Variants in COL23A1 observed in about 807,000 individuals in gnomAD.
COL23A1 encodes the protein collagen type XXIII alpha 1 chain.
In COL23A1, 97 loss-of-function variants were observed where a neutral mutation model predicts 99.3. That is an observed-to-expected ratio of 0.98 (90% CI 0.83 to 1.16). The LOEUF (loss-of-function observed/expected upper bound fraction) is 1.16, where lower values mean the gene tolerates loss of function less well. Ranked by LOEUF, COL23A1 falls within the 50% of genes most tolerant of loss-of-function variation. COL23A1 has a pLI of 0.00. For missense variants in COL23A1, 762 were observed against 757.4 expected, an observed-to-expected ratio of 1.01 and a Z score of -0.07; for synonymous variants, 320 against 308.2, an observed-to-expected ratio of 1.04 and a Z score of -0.40.
At chr5:178,570,823 C>T (rs1410828222) in intron 1 of COL23A1, among the ~76,000 whole-genome samples, 3 of 151,968 alleles carry the variant, frequency 2.0e-5, no homozygotes, top group Admixed American at 6.6e-5. Flanking sequence ...CAAGGGAGGC[C>T]GAGGCAGTCA....
At chr5:178,524,580 T>G (rs552944088) in intron 2 of COL23A1, among the ~76,000 whole-genome samples, 1 of 152,312 alleles carries the variant, frequency 6.6e-6, no homozygotes, top group Non-Finnish European at 1.5e-5. Context: ...TGGTCGGGCA[T>G]TGACCTGACC....
At position 178,306,807 on chromosome 5, in the gene COL23A1, C is replaced by T; in HGVS notation, c.406+68G>A. 8.3e-7 allele frequency: 1 copy of T among 1,199,062 alleles called. No individual in the cohort carries two copies. Among genetic ancestry groups the T allele is most frequent in the African/African-American group, 1.6e-5 (1 of 62,454 alleles). 74.3% of individuals were successfully genotyped at this position (1,199,062 alleles called of 1,614,324 possible). On this transcript the variant is annotated intron_variant, in intron 3 of 28. Transcript: ENST00000390654. The surrounding 1 kb of genome is among the most constrained non-coding windows in gnomAD (Gnocchi z 4.1). ...GTGGGCAGCAGGTGGCCAGGCCCTGCAGTCAGAGCCTGGGGCCATGGTGGC... is the reference window on the plus strand; with the variant it reads ...GTGGGCAGCAGGTGGCCAGGCCCTGTAGTCAGAGCCTGGGGCCATGGTGGC...
In COL23A1 at chr5:178,247,798, G is replaced by A. The variant is rs1332879493; in HGVS notation, c.1246C>T (p.Pro416Ser). The A allele has an allele frequency of 1.9e-6, 3 of 1,613,676 alleles. No homozygotes were observed. The highest frequency in any genetic ancestry group is 2.5e-6 in the Non-Finnish European group (3 of 1,179,750). Residue 416 changes from proline (P) to serine (S), a missense_variant, in exon 21 of 29, where the codon CCC becomes TCC. By Grantham distance (74) the Pro-to-Ser change is moderately conservative. Transcript: ENST00000390654. ...ACCATCGGGCCTGGGGGGCCAGGGG[G>A]GCCAGGGGGCCCTGGCTCCACTATG... ...QLIVEPGPPG[P>S]PGPPGPMGLQ...
rs182099104 is a variant in COL23A1 at position 178,386,009 on chromosome 5, C to T, written c.362-79090G>A. On this transcript the variant is annotated intron_variant, in intron 2 of 28. Coordinates refer to ENST00000390654, the MANE Select transcript of COL23A1 (RefSeq NM_173465.4). ...TACCAAAGCAGAAGAAGGCAGAGTG[C>T]ATAGAATTTGCAGATCCACAGCAGC... is the stretch of plus-strand genomic sequence containing the variant. Among the ~76,000 whole-genome samples the T allele has an allele frequency of 2.9e-3, 434 of 152,236 alleles. 3 individuals carry two copies. The highest frequency in any genetic ancestry group is 9.7e-3 in the African/African-American group (403 of 41,540).
chr5:178,464,489 G>A (rs527980180), intron 2 of COL23A1, among the ~76,000 whole-genome samples: 3 of 152,200 alleles, frequency 2.0e-5, no homozygotes, highest in East Asian at 1.9e-4. Context: ...CAATGTGCAC[G>A]TACCCCACTT....
Position 178,494,585 on chromosome 5 carries a change from G to C in COL23A1, c.361+66097C>G, listed in dbSNP as rs138718816. 3.1e-3 allele frequency among the ~76,000 whole-genome samples: 478 copies of C among 152,342 alleles called. 4 individuals carry two copies. The highest frequency in any genetic ancestry group is 0.01 in the African/African-American group (434 of 41,584). On this transcript the variant is annotated intron_variant, in intron 2 of 28. Coordinates refer to ENST00000390654, the MANE Select transcript of COL23A1 (RefSeq NM_173465.4). ...AGCTACCTGGGAGGCTGAGGCAGAA[G>C]AATCACTGGAACCCGGGAGGTGGAG...
At chr5:178,301,851 G>T (rs1451568679) in intron 3 of COL23A1, among the ~76,000 whole-genome samples, 1 of 149,302 alleles carries the variant, frequency 6.7e-6, no homozygotes, top group African/African-American at 2.5e-5. Flanking sequence ...CCGGAGCACA[G>T]CTTCAATGCT....
intron 2 of COL23A1, among the ~76,000 whole-genome samples, chr5:178,381,718 C>G (rs1253204494): frequency 6.6e-6 from 1 of 152,176 alleles, no homozygotes; most frequent in African/African-American, 2.4e-5. Context: ...TCCCTGCAGC[C>G]TTGAACTCCC....
Position 178,333,113 on chromosome 5 carries a change from G to C in COL23A1, c.362-26194C>G, listed in dbSNP as rs574807177. Among the ~76,000 whole-genome samples the C allele has an allele frequency of 6.6e-4, 100 of 151,980 alleles. 1 individual carries two copies. The highest frequency in any genetic ancestry group is 1.1e-3 in the Non-Finnish European group (78 of 67,984). ...GCTGGGACTACAGGCGCCTGCCACC[G>C]TGCCCAGCTAATTTTTGTATTTTTA... is the stretch of plus-strand genomic sequence containing the variant. On this transcript the variant is annotated intron_variant, in intron 2 of 28. Transcript: ENST00000390654.
At chr5:178,347,283 G>C (rs1761026925) in intron 2 of COL23A1, among the ~76,000 whole-genome samples, 1 of 152,156 alleles carries the variant, frequency 6.6e-6, no homozygotes, top group Non-Finnish European at 1.5e-5. Flanking sequence ...AATTTAAATA[G>C]CCACGAATGA....
chr5:178,326,726 T>C (rs1232506273), intron 2 of COL23A1, among the ~76,000 whole-genome samples: 1 of 152,238 alleles, frequency 6.6e-6, no homozygotes, highest in African/African-American at 2.4e-5. Context: ...TTTTTGTTTA[T>C]TTATTGTTTT....
At chr5:178,246,055 C>CA in intron 24 of COL23A1, 87 bp from the exon 25 acceptor site, 1 of 1,516,456 alleles carries the variant, frequency 6.6e-7, no homozygotes, top group Non-Finnish European at 9.1e-7. Flanking sequence ...GTGGGTTGGC[C>CA]ACAGACATGG....
intron 1 of COL23A1, among the ~76,000 whole-genome samples, chr5:178,578,895 A>G (rs1763527316): frequency 6.6e-6 from 1 of 152,170 alleles, no homozygotes; most frequent in African/African-American, 2.4e-5. Context: ...CCCTTTCACA[A>G]TGACAAATCC....
At chr5:178,341,568 C>T (rs974520430) in intron 2 of COL23A1, among the ~76,000 whole-genome samples, 2 of 152,334 alleles carry the variant, frequency 1.3e-5, no homozygotes, top group African/African-American at 4.8e-5. Context: ...ATGTTTTCCA[C>T]GGATGGCTCT....
At chr5:178,326,351 G>A (rs374272685) in intron 2 of COL23A1, among the ~76,000 whole-genome samples, 2 of 151,482 alleles carry the variant, frequency 1.3e-5, no homozygotes, top group Non-Finnish European at 2.9e-5. Context: ...CTCCATGAAA[G>A]CCATCGCTGC....
chr5:178,556,312 G>A (rs187104652), intron 2 of COL23A1, among the ~76,000 whole-genome samples: 7 of 152,246 alleles, frequency 4.6e-5, no homozygotes, highest in African/African-American at 1.2e-4. Context: ...GGAGGAGGAG[G>A]AGTTACTACT....
At chr5:178,359,782 AAGG>A (rs1219352163) in intron 2 of COL23A1, among the ~76,000 whole-genome samples, 2 of 152,212 alleles carry the variant, frequency 1.3e-5, no homozygotes, top group Non-Finnish European at 2.9e-5. Context: ...TTTGAAGGGA[AAGG>A]AGGACAGACA....
Position 178,589,585 on chromosome 5 carries a change from G to A in COL23A1, c.294+319C>T, listed in dbSNP as rs116496827. On this transcript the variant is annotated intron_variant, in intron 1 of 28. Transcript: ENST00000390654. The surrounding 1 kb of genome is among the most constrained non-coding windows in gnomAD (Gnocchi z 5.4). ...ACTCTGGCCGCCGGCGGGAAGCGGC[G>A]TGTCCGAGCGCACACCCCGTGGAGA... Among the ~76,000 whole-genome samples the A allele has an allele frequency of 0.028, 4,250 of 152,268 alleles. 132 individuals are homozygous for A. The highest frequency in any genetic ancestry group is 0.069 in the African/African-American group (2,865 of 41,554).
At chr5:178,326,583 C>T (rs955586781) in intron 2 of COL23A1, among the ~76,000 whole-genome samples, 5 of 152,148 alleles carry the variant, frequency 3.3e-5, no homozygotes, top group Non-Finnish European at 7.4e-5. Context: ...CCAGTTCGTC[C>T]TCTCTTTATT....
Sources: allele counts gnomAD v4.1 joint callset (sites outside exome capture counted in the v4.1 genomes callset), GRCh38; gene constraint gnomAD v4.1.1; non-coding constraint Gnocchi (gnomAD v3.1); transcripts MANE v1.5; gene names NCBI Gene and HGNC (gene_info 2026-07-23, HGNC 2026-07-21).